WWP2: variants seen among roughly 807,000 people sequenced by gnomAD.
WWP2 encodes WW domain containing E3 ubiquitin protein ligase 2.
Under a neutral mutation model 121.0 loss-of-function variants are expected in WWP2, and 57 were observed. That is an observed-to-expected ratio of 0.47 (90% confidence interval 0.38 to 0.59). WWP2 has a LOEUF of 0.59. WWP2 is among the 20% of genes least tolerant of loss of function. The pLI, the probability that WWP2 is intolerant of heterozygous loss-of-function variation, is 0.00. For synonymous variants in WWP2, 449 were observed against 441.3 expected (o/e 1.02, Z -0.22); for missense variants, 962 against 1,158.9 (o/e 0.83, Z 2.47).
intron 8 of WWP2, among the ~76,000 whole-genome samples, chr16:69,888,957 C>T (rs545964313): frequency 7.9e-5 from 12 of 152,288 alleles, no homozygotes; most frequent in African/African-American, 2.9e-4. Flanking sequence ...CCACCTGCCT[C>T]GGCCTCCCAA....
rs113830080 is a variant in WWP2 at position 69,816,991 on chromosome 16, C to G, written c.340+17696C>G. On this transcript the variant is annotated intron_variant, in intron 4 of 23. Transcript: ENST00000359154. ...AGTTCTTTTGTTCCTAGAGTCTCTG[C>G]CCATAACCTCTATACATTCTGCCTT... 7.5e-3 allele frequency among the ~76,000 whole-genome samples: 1,136 copies of G among 152,262 alleles called. 16 individuals carry two copies. The highest frequency in any genetic ancestry group is 0.026 in the African/African-American group (1,060 of 41,540).
intron 8 of WWP2, among the ~76,000 whole-genome samples, chr16:69,902,030 A>C (rs969326765): frequency 6.6e-6 from 1 of 152,226 alleles, no homozygotes; most frequent in Non-Finnish European, 1.5e-5. Context: ...CTTTTAGCTT[A>C]ATCCTATTCT....
rs1412625948 is a variant in WWP2 at position 69,883,406 on chromosome 16, A to G, written c.704-4633A>G. Among the ~76,000 whole-genome samples, 341 of 126,688 alleles carry G rather than the reference A, an allele frequency of 2.7e-3. 4 individuals are homozygous for G. The highest frequency in any genetic ancestry group is 0.01 in the African/African-American group (319 of 31,120). 83.1% of individuals were successfully genotyped at this position (126,688 alleles called of 152,430 possible). ...TCATGTTCTAAGAATGTGCGCACAC[A>G]CACACACACACACACACACACTCAT... On this transcript the variant is annotated intron_variant, in intron 7 of 23. Coordinates refer to ENST00000359154, the MANE Select transcript of WWP2 (RefSeq NM_001270454.2).
At chr16:69,928,002 A>G (rs1373234395) in intron 11 of WWP2, among the ~76,000 whole-genome samples, 2 of 151,908 alleles carry the variant, frequency 1.3e-5, no homozygotes, top group Non-Finnish European at 2.9e-5. Flanking sequence ...TTCCAGCTTT[A>G]CTGAGGTATG....
At chr16:69,795,588 G>C (rs1430100749) in intron 2 of WWP2, among the ~76,000 whole-genome samples, 1 of 143,252 alleles carries the variant, frequency 7.0e-6, no homozygotes. Context: ...TTGGTGAAGA[G>C]TATACAGTAT....
intron 5 of WWP2, among the ~76,000 whole-genome samples, 188 bp from the exon 6 acceptor site, chr16:69,841,836 A>C (rs1312184559): frequency 6.6e-6 from 1 of 152,176 alleles, no homozygotes. Context: ...GCTCCATGGC[A>C]TGGATCGGAT....
intron 2 of WWP2, among the ~76,000 whole-genome samples, chr16:69,796,593 A>T (rs1272426723): frequency 1.3e-5 from 2 of 152,244 alleles, no homozygotes; most frequent in African/African-American, 4.8e-5. Context: ...CTGAATGCAT[A>T]TCGCTTTCGC....
intron 10 of WWP2, among the ~76,000 whole-genome samples, chr16:69,923,161 A>G (rs997820354): frequency 6.6e-6 from 1 of 152,020 alleles, no homozygotes; most frequent in African/African-American, 2.4e-5. Flanking sequence ...AAGTGCTGGG[A>G]TCACCAGCCT....
At chr16:69,796,289 G>A (rs968867484) in intron 2 of WWP2, among the ~76,000 whole-genome samples, 23 of 152,140 alleles carry the variant, frequency 1.5e-4, no homozygotes, top group Middle Eastern at 3.2e-3. Context: ...GTGGGGTTAC[G>A]TCCTGAAAAA....
chr16:69,886,233 C>A (rs2057921520), intron 7 of WWP2, among the ~76,000 whole-genome samples: 2 of 152,296 alleles, frequency 1.3e-5, no homozygotes, highest in East Asian at 3.9e-4. Context: ...GTGGGCACCA[C>A]CATGCCCAAC....
chr16:69,925,212 C>T lies in WWP2; in HGVS notation c.1180-218C>T. ...CTTTTCCAAAACTCACTTGGGCCCTCCGTGCGCAGGGTTCTTTTTTGGTTT... is the reference window on the plus strand; with the variant it reads ...CTTTTCCAAAACTCACTTGGGCCCTTCGTGCGCAGGGTTCTTTTTTGGTTT... On this transcript the variant is annotated intron_variant, in intron 10 of 23. Coordinates refer to ENST00000359154, the MANE Select transcript of WWP2 (RefSeq NM_001270454.2). The surrounding 1 kb of genome is among the most constrained non-coding windows in gnomAD (Gnocchi z 4.0). 1 of 1,400,514 alleles carries T rather than the reference C, an allele frequency of 7.1e-7. No individual in the cohort carries two copies. Among genetic ancestry groups the T allele is most frequent in the Non-Finnish European group, 9.3e-7 (1 of 1,077,282 alleles). 86.8% of individuals were successfully genotyped at this position (1,400,514 alleles called of 1,614,324 possible).
chr16:69,913,273 G>A (rs1036544006), intron 9 of WWP2, among the ~76,000 whole-genome samples: 5 of 150,924 alleles, frequency 3.3e-5, no homozygotes, highest in Admixed American at 3.3e-4. Context: ...CATCAGGTGA[G>A]CCACCCACCT....
At chr16:69,782,762 G>A (rs2055691210) in intron 1 of WWP2, among the ~76,000 whole-genome samples, 1 of 152,198 alleles carries the variant, frequency 6.6e-6, no homozygotes, top group Non-Finnish European at 1.5e-5. Flanking sequence ...CTTGGAGCGT[G>A]ACATTGTTTG....
chr16:69,836,947 C>T (rs1035016620), intron 4 of WWP2, among the ~76,000 whole-genome samples: 4 of 149,188 alleles, frequency 2.7e-5, no homozygotes, highest in African/African-American at 9.9e-5. Context: ...TTTTGAGACG[C>T]AGTCTCATTT....
At chr16:69,878,543 A>G (rs1257185250) in intron 7 of WWP2, among the ~76,000 whole-genome samples, 3 of 152,022 alleles carry the variant, frequency 2.0e-5, no homozygotes, top group East Asian at 1.9e-4. Flanking sequence ...AAATTTTCTT[A>G]TAGAATGGGG....
intron 6 of WWP2, among the ~76,000 whole-genome samples, chr16:69,845,239 C>T (rs1027056683): frequency 6.6e-6 from 1 of 152,058 alleles, no homozygotes; most frequent in African/African-American, 2.4e-5. Context: ...CGGGAGCACT[C>T]GGTGGAAGTG....
chr16:69,834,550 G>A (rs1188543752), intron 4 of WWP2, among the ~76,000 whole-genome samples: 2 of 141,804 alleles, frequency 1.4e-5, no homozygotes, highest in African/African-American at 5.3e-5. Context: ...TTTTTGAGAC[G>A]GAGTTTCGCT....
chr16:69,932,579 G>C (rs1343649638), intron 16 of WWP2, among the ~76,000 whole-genome samples: 1 of 152,222 alleles, frequency 6.6e-6, no homozygotes, highest in Admixed American at 6.5e-5. Context: ...TAGGGGCCAT[G>C]TGGTCATCCA....
At chr16:69,827,366 C>T (rs1296042572) in intron 4 of WWP2, among the ~76,000 whole-genome samples, 3 of 152,044 alleles carry the variant, frequency 2.0e-5, no homozygotes, top group Non-Finnish European at 4.4e-5. Context: ...TGCACTCCAG[C>T]CTGGGCGACA....
Sources: allele counts gnomAD v4.1 joint callset (sites outside exome capture counted in the v4.1 genomes callset), GRCh38; gene constraint gnomAD v4.1.1; non-coding constraint Gnocchi (gnomAD v3.1); transcripts MANE v1.5; gene names NCBI Gene and HGNC (gene_info 2026-07-23, HGNC 2026-07-21).